Variants in NAALADL2 observed in about 807,000 individuals in gnomAD.
NAALADL2 encodes the protein inactive N-acetylated-alpha-linked acidic dipeptidase-like protein 2.
A neutral mutation model predicts 87.2 loss-of-function variants in NAALADL2; 76 were observed. The ratio of observed to expected loss-of-function variants is 0.87; its 90% CI spans 0.72 to 1.05. NAALADL2 has a LOEUF of 1.05. Ranked by LOEUF, NAALADL2 falls within the 50% of genes least tolerant of loss-of-function variation. The pLI is 0.00. For synonymous variants in NAALADL2, 354 were observed against 331.0 expected (o/e 1.07, Z -0.75); for missense variants, 1,089 against 945.8 (o/e 1.15, Z -1.99).
chr3:175,490,690 G>A (rs1052231698), intron 9 of NAALADL2, among the ~76,000 whole-genome samples: 11 of 151,550 alleles, frequency 7.3e-5, no homozygotes, highest in East Asian at 3.9e-4. Flanking sequence ...CCACCGCGCC[G>A]GACCATAAGT....
intron 11 of NAALADL2, among the ~76,000 whole-genome samples, chr3:175,703,170 C>A (rs1368873112): frequency 1.3e-5 from 2 of 152,140 alleles, no homozygotes; most frequent in African/African-American, 4.8e-5. Flanking sequence ...TCATAAATAA[C>A]TCTAAATATC....
At chr3:174,800,980 T>C (rs979650183) in intron 3 of NAALADL2, among the ~76,000 whole-genome samples, 3 of 152,180 alleles carry the variant, frequency 2.0e-5, no homozygotes, top group African/African-American at 4.8e-5. Context: ...TGTACCCCCA[T>C]TGGATCTAGG....
intron 10 of NAALADL2, among the ~76,000 whole-genome samples, chr3:175,599,247 G>A (rs539860859): frequency 6.6e-6 from 1 of 151,886 alleles, no homozygotes; most frequent in Non-Finnish European, 1.5e-5. Flanking sequence ...CTGTCACATA[G>A]GAATCATTAT....
chr3:174,624,807 G>C (rs1721390537), intron 2 of NAALADL2, among the ~76,000 whole-genome samples: 1 of 151,972 alleles, frequency 6.6e-6, no homozygotes, highest in South Asian at 2.1e-4. Flanking sequence ...TTTCAGTGCT[G>C]TTTATTTACT....
At chr3:174,671,283 G>A (rs888420339) in intron 2 of NAALADL2, among the ~76,000 whole-genome samples, 1 of 152,084 alleles carries the variant, frequency 6.6e-6, no homozygotes, top group African/African-American at 2.4e-5. Context: ...TCCAATGATG[G>A]TCAGAGTGCA....
intron 1 of NAALADL2, among the ~76,000 whole-genome samples, chr3:174,454,925 C>T (rs1013440592): frequency 4.0e-5 from 6 of 149,254 alleles, no homozygotes; most frequent in African/African-American, 1.2e-4. Flanking sequence ...GAAAAGCACT[C>T]AAAAGATCAA....
intron 1 of NAALADL2, among the ~76,000 whole-genome samples, chr3:175,067,925 G>C (rs1483687239): frequency 6.6e-6 from 1 of 152,010 alleles, no homozygotes; most frequent in Non-Finnish European, 1.5e-5. Flanking sequence ...AGAATGAAAT[G>C]AAGTCTTTGA....
At chr3:174,447,018 T>A (rs992136211) in intron 1 of NAALADL2, among the ~76,000 whole-genome samples, 15 of 152,174 alleles carry the variant, frequency 9.9e-5, no homozygotes, top group Admixed American at 7.2e-4. Flanking sequence ...TATCTTCAAG[T>A]AAAATGGCTA....
chr3:175,307,552 G>C (rs894936757), intron 4 of NAALADL2, among the ~76,000 whole-genome samples: 1 of 152,164 alleles, frequency 6.6e-6, no homozygotes, highest in Non-Finnish European at 1.5e-5. Context: ...CAAAGATTCA[G>C]AAGCATATAT....
intron 9 of NAALADL2, among the ~76,000 whole-genome samples, chr3:175,500,804 A>T (rs1447345535): frequency 6.6e-6 from 1 of 152,134 alleles, no homozygotes; most frequent in Non-Finnish European, 1.5e-5. Flanking sequence ...CCAAATGTGA[A>T]CTTAAGAATC....
At chr3:174,859,967 A>T (rs925270685) in intron 1 of NAALADL2, among the ~76,000 whole-genome samples, 5 of 152,062 alleles carry the variant, frequency 3.3e-5, no homozygotes, top group Admixed American at 2.0e-4. Flanking sequence ...GGAGGCTGTG[A>T]TTTATTTCAC....
At chr3:174,724,657 A>T (rs1163400464) in intron 2 of NAALADL2, among the ~76,000 whole-genome samples, 1 of 152,090 alleles carries the variant, frequency 6.6e-6, no homozygotes, top group Admixed American at 6.6e-5. Context: ...TGCATATAGT[A>T]AACATTCAAC....
At chr3:174,755,018 C>T (rs890283036) in intron 3 of NAALADL2, among the ~76,000 whole-genome samples, 2 of 152,152 alleles carry the variant, frequency 1.3e-5, no homozygotes, top group African/African-American at 4.8e-5. Context: ...ACCCAAATCT[C>T]GTCTTGAATT....
chr3:175,557,016 A>C (rs868244557), intron 9 of NAALADL2, among the ~76,000 whole-genome samples: 1 of 152,222 alleles, frequency 6.6e-6, no homozygotes, highest in South Asian at 2.1e-4. Context: ...TCAGTTTTGA[A>C]AGTATTCATG....
intron 9 of NAALADL2, among the ~76,000 whole-genome samples, chr3:175,558,584 G>A (rs1715743250): frequency 6.6e-6 from 1 of 152,134 alleles, no homozygotes; most frequent in South Asian, 2.1e-4. Context: ...TAATCCACTT[G>A]AATTTGATTT....
intron 1 of NAALADL2, among the ~76,000 whole-genome samples, chr3:174,461,034 A>G (rs929022062): frequency 7.9e-5 from 12 of 152,086 alleles, no homozygotes; most frequent in Admixed American, 3.9e-4. Context: ...CAAAGTATAT[A>G]TAGCTCATTC....
At chr3:174,455,865 T>C (rs1436881618) in intron 1 of NAALADL2, among the ~76,000 whole-genome samples, 1 of 152,142 alleles carries the variant, frequency 6.6e-6, no homozygotes, top group South Asian at 2.1e-4. Context: ...TTGGAAGTCC[T>C]GGCCAGAGCA....
intron 1 of NAALADL2, among the ~76,000 whole-genome samples, chr3:175,062,356 G>C (rs28360793): frequency 0.019 from 2,915 of 152,152 alleles, 103 homozygotes; most frequent in African/African-American, 0.067. Context: ...TGTTGGCTCA[G>C]CTAGTTCTTT....
chr3:174,895,683 G>T (rs936620778), intron 1 of NAALADL2, among the ~76,000 whole-genome samples: 34 of 152,168 alleles, frequency 2.2e-4, no homozygotes, highest in African/African-American at 8.2e-4. Flanking sequence ...ATTGTATGAG[G>T]CCATTATCAC....
Sources: allele counts gnomAD v4.1 joint callset (sites outside exome capture counted in the v4.1 genomes callset), GRCh38; gene constraint gnomAD v4.1.1; transcripts MANE v1.5; gene names NCBI Gene and HGNC (gene_info 2026-07-23, HGNC 2026-07-21).